Variants in DLG2 observed in about 807,000 individuals in gnomAD.
The protein encoded by DLG2 is discs large MAGUK scaffold protein 2.
In DLG2, 45 loss-of-function variants were observed where a neutral mutation model predicts 132.5. The observed-to-expected ratio is 0.34, with a 90% CI of 0.27 to 0.44. The LOEUF (loss-of-function observed/expected upper bound fraction) is 0.44, where lower values mean the gene tolerates loss of function less well. DLG2 is among the 20% of genes least tolerant of loss of function. The probability of loss-of-function intolerance (pLI) is 1.00; values close to 1 mark genes in which losing one functional copy is unlikely to be tolerated. For synonymous variants in DLG2, 424 were observed against 419.6 expected (o/e 1.01, Z -0.13); for missense variants, 1,045 against 1,196.9 (o/e 0.87, Z 1.87).
In DLG2 at chr11:85,060,302, T is replaced by C. The variant is rs181130448; in HGVS notation, c.357+51359A>G. Among the ~76,000 whole-genome samples the C allele has an allele frequency of 2.3e-3, 349 of 150,990 alleles. 1 individual carries two copies. The highest frequency in any genetic ancestry group is 0.011 in the Middle Eastern group (3 of 284). The stretch of plus-strand genomic sequence containing the variant: ...ATTTTCATTTTTTAAAGGCTAAGTA[T>C]ATGTATATAATATATAACATAAGCA... On this transcript the variant is annotated intron_variant, in intron 6 of 27. Transcript: ENST00000376104.
At chr11:84,578,674 G>A (rs1398805440) in intron 6 of DLG2, among the ~76,000 whole-genome samples, 2 of 152,108 alleles carry the variant, frequency 1.3e-5, no homozygotes, top group Non-Finnish European at 2.9e-5. Context: ...TAGGCAGAAG[G>A]GACTTGCCTT....
At chr11:84,814,975 A>T (rs893846633) in intron 6 of DLG2, among the ~76,000 whole-genome samples, 1 of 152,034 alleles carries the variant, frequency 6.6e-6, no homozygotes, top group African/African-American at 2.4e-5. Context: ...ACATGTAGAG[A>T]AGGGGAGTAT....
At chr11:84,415,900 G>T (rs780408041) in intron 7 of DLG2, among the ~76,000 whole-genome samples, 6 of 152,092 alleles carry the variant, frequency 3.9e-5, no homozygotes, top group Non-Finnish European at 8.8e-5. Context: ...TGAGTGCTTT[G>T]CCTAGGGTGC....
chr11:85,311,085 T>C (rs2080284718), intron 3 of DLG2, among the ~76,000 whole-genome samples: 1 of 152,184 alleles, frequency 6.6e-6, no homozygotes, highest in South Asian at 2.1e-4. Flanking sequence ...TTCTCAAATG[T>C]TATATAATAC....
chr11:85,072,525 G>C (rs1046710811), intron 6 of DLG2, among the ~76,000 whole-genome samples: 3 of 151,750 alleles, frequency 2.0e-5, no homozygotes, highest in Admixed American at 6.6e-5. Flanking sequence ...GATGATAATG[G>C]CTAACATATA....
chr11:84,176,415 T>C (rs1468383622), intron 8 of DLG2, among the ~76,000 whole-genome samples: 2 of 150,454 alleles, frequency 1.3e-5, no homozygotes, highest in Non-Finnish European at 1.5e-5. Flanking sequence ...TTGGTGTATA[T>C]ATATGTATAT....
At chr11:84,454,902 T>C (rs1245758616) in intron 7 of DLG2, among the ~76,000 whole-genome samples, 1 of 151,398 alleles carries the variant, frequency 6.6e-6, no homozygotes, top group Non-Finnish European at 1.5e-5. Flanking sequence ...TTCATTCTCT[T>C]GTTTGTGGTG....
At chr11:84,243,028 TATATATATATA>T (rs2097255839) in intron 8 of DLG2, among the ~76,000 whole-genome samples, 1 of 151,464 alleles carries the variant, frequency 6.6e-6, no homozygotes, top group Non-Finnish European at 1.5e-5. Context: ...TATATATATA[TATATATATATA>T]CACTCTCACA....
At chr11:84,339,946 A>C (rs1490453496) in intron 7 of DLG2, among the ~76,000 whole-genome samples, 1 of 152,186 alleles carries the variant, frequency 6.6e-6, no homozygotes, top group African/African-American at 2.4e-5. Context: ...CCATACGTCC[A>C]TCTAAGAGCC....
intron 4 of DLG2, among the ~76,000 whole-genome samples, chr11:85,249,809 T>C (rs1425354462): frequency 1.3e-5 from 2 of 152,214 alleles, no homozygotes; most frequent in Non-Finnish European, 2.9e-5. Flanking sequence ...ACCTTTGCAG[T>C]AGTCCAGATG....
intron 15 of DLG2, among the ~76,000 whole-genome samples, chr11:83,920,881 A>T (rs535634201): frequency 1.3e-5 from 2 of 152,152 alleles, no homozygotes; most frequent in African/African-American, 4.8e-5. Flanking sequence ...CTATCTTCAT[A>T]TATCAATCAG....
chr11:84,934,778 C>T (rs987141828), intron 6 of DLG2, among the ~76,000 whole-genome samples: 2 of 151,720 alleles, frequency 1.3e-5, no homozygotes, highest in Non-Finnish European at 2.9e-5. Context: ...GCCCGAGTTC[C>T]TTAAGACTCA....
At chr11:84,382,223 C>T (rs1375725311) in intron 7 of DLG2, among the ~76,000 whole-genome samples, 1 of 152,048 alleles carries the variant, frequency 6.6e-6, no homozygotes, top group African/African-American at 2.4e-5. Context: ...GGTGCCAGTT[C>T]TTTCTCCTCA....
chr11:84,865,605 A>T (rs1250470320), intron 6 of DLG2, among the ~76,000 whole-genome samples: 1 of 152,218 alleles, frequency 6.6e-6, no homozygotes, highest in African/African-American at 2.4e-5. Flanking sequence ...CAGATTTTTC[A>T]AAGGTAACAG....
intron 8 of DLG2, among the ~76,000 whole-genome samples, chr11:84,204,389 T>C (rs2096638670): frequency 6.6e-6 from 1 of 152,188 alleles, no homozygotes; most frequent in Admixed American, 6.5e-5. Flanking sequence ...TATTGATTCA[T>C]CTAAACTGTA....
intron 16 of DLG2, among the ~76,000 whole-genome samples, chr11:83,868,177 C>G (rs570389691): frequency 1.3e-5 from 2 of 152,172 alleles, no homozygotes; most frequent in African/African-American, 4.8e-5. Context: ...CTATCTCCCC[C>G]ACCCAGGGAT....
At chr11:84,530,056 T>C (rs1251621220) in intron 7 of DLG2, among the ~76,000 whole-genome samples, 1 of 152,108 alleles carries the variant, frequency 6.6e-6, no homozygotes, top group Non-Finnish European at 1.5e-5. Flanking sequence ...GACTCCCTAG[T>C]CAATAAATGG....
chr11:84,532,117 A>ATTTTTTTTTT (rs67139617), intron 7 of DLG2, among the ~76,000 whole-genome samples: 2 of 104,580 alleles, frequency 1.9e-5, no homozygotes, highest in Non-Finnish European at 3.6e-5. Flanking sequence ...TGTTCTGTTC[A>ATTTTTTTTTT]TTTTTTTTTT....
At chr11:84,390,684 G>C (rs2098789648) in intron 7 of DLG2, among the ~76,000 whole-genome samples, 1 of 152,174 alleles carries the variant, frequency 6.6e-6, no homozygotes, top group African/African-American at 2.4e-5. Flanking sequence ...GAGGCTGTGA[G>C]AAAGAGAAGT....
Sources: allele counts gnomAD v4.1 joint callset (sites outside exome capture counted in the v4.1 genomes callset), GRCh38; gene constraint gnomAD v4.1.1; transcripts MANE v1.5; gene names NCBI Gene and HGNC (gene_info 2026-07-23, HGNC 2026-07-21).